RRAS2: variants seen among roughly 807,000 people sequenced by gnomAD.
RRAS2 encodes the protein RAS related 2, also known as ras-related protein R-Ras2.
RRAS2 carries 7 observed loss-of-function variants against 27.6 expected under a neutral mutation model. The observed-to-expected ratio is 0.25, with a 90% CI of 0.14 to 0.48. RRAS2 has a LOEUF of 0.48. RRAS2 is among the 20% of genes least tolerant of loss of function. RRAS2 has a pLI of 0.99. For missense variants in RRAS2, 178 were observed against 256.2 expected (o/e 0.69, Z 2.08); for synonymous variants, 86 against 90.9 (o/e 0.95, Z 0.31).
At chr11:14,313,773 C>T (rs571702375) in intron 1 of RRAS2, among the ~76,000 whole-genome samples, 20 of 152,294 alleles carry the variant, frequency 1.3e-4, no homozygotes, top group African/African-American at 4.8e-4. Flanking sequence ...CTTCCTCAGA[C>T]TCCAGAATCA....
intron 1 of RRAS2, among the ~76,000 whole-genome samples, chr11:14,306,076 A>AT (rs35247669): frequency 0.29 from 43,686 of 148,592 alleles, 7,364 homozygotes; most frequent in South Asian, 0.43. Context: ...CAAAAAAAGA[A>AT]TTTTTTTTTT....
intron 4 of RRAS2, among the ~76,000 whole-genome samples, chr11:14,284,804 TTTAA>T (rs1325334820): frequency 1.3e-5 from 2 of 152,232 alleles, no homozygotes; most frequent in Non-Finnish European, 2.9e-5. Context: ...ATATAGCTAC[TTTAA>T]TTATTTTCAT....
At chr11:14,292,915 G>C (rs1847441710) in intron 4 of RRAS2, among the ~76,000 whole-genome samples, 1 of 151,496 alleles carries the variant, frequency 6.6e-6, no homozygotes, top group Admixed American at 6.6e-5. Flanking sequence ...AGACCATCCT[G>C]GCTAACATGG....
chr11:14,359,223 AGGGGGCGGGG>A, upstream of RRAS2: 1 of 68,470 alleles, frequency 1.5e-5, no homozygotes, highest in Non-Finnish European at 2.6e-5. Context: ...CATATGCATG[AGGGGGCGGGG>A]AGGGGCGGGG....
At chr11:14,314,214 T>C (rs1212423611) in intron 1 of RRAS2, among the ~76,000 whole-genome samples, 1 of 152,230 alleles carries the variant, frequency 6.6e-6, no homozygotes, top group Non-Finnish European at 1.5e-5. Flanking sequence ...TATATGGCAC[T>C]TACACAACTA....
chr11:14,291,879 T>C (rs1847403814), intron 4 of RRAS2, among the ~76,000 whole-genome samples: 1 of 152,304 alleles, frequency 6.6e-6, no homozygotes, highest in South Asian at 2.1e-4. Context: ...ATTTTTTTGA[T>C]TTTAGAATAC....
At chr11:14,285,498 G>GT (rs1468727592) in intron 4 of RRAS2, among the ~76,000 whole-genome samples, 4 of 152,158 alleles carry the variant, frequency 2.6e-5, no homozygotes, top group Admixed American at 6.6e-5. Context: ...TATGGTAAGA[G>GT]TAATTTATAT....
intron 1 of RRAS2, among the ~76,000 whole-genome samples, chr11:14,351,711 CA>C (rs1848956419): frequency 7.0e-6 from 1 of 142,792 alleles, no homozygotes; most frequent in South Asian, 2.2e-4. Context: ...GCCTGGGCAA[CA>C]AAAGTGAAAC....
chr11:14,280,707 CA>C (rs1849504083), intron 5 of RRAS2, among the ~76,000 whole-genome samples: 1 of 66,870 alleles, frequency 1.5e-5, no homozygotes, highest in Admixed American at 2.5e-4. Flanking sequence ...GCCTGGGTGA[CA>C]AAGAGAAACT....
At chr11:14,307,006 C>T (rs1426437959) in intron 1 of RRAS2, among the ~76,000 whole-genome samples, 1 of 151,236 alleles carries the variant, frequency 6.6e-6, no homozygotes, top group African/African-American at 2.4e-5. Flanking sequence ...GCCTGGGAAA[C>T]ATGGTGAAAC....
Position 14,356,801 on chromosome 11 carries a change from C to CTT in RRAS2, c.108+1960_108+1961dup, listed in dbSNP as rs34757328. On this transcript the variant is annotated intron_variant, in intron 1 of 5. Coordinates refer to ENST00000256196, the MANE Select transcript of RRAS2 (RefSeq NM_012250.6). ...ATTATTAGGAAAACGGCAATTAATGCTTTTTTTTTTTTTTTTTTGAGGCAG... is the reference window on the plus strand; with the variant it reads ...ATTATTAGGAAAACGGCAATTAATGCTTTTTTTTTTTTTTTTTTTTGAGGCAG... The CTT allele has an allele frequency of 7.2e-3, 2,679 of 372,776 alleles. 6 individuals are homozygous for CTT. Among genetic ancestry groups the CTT allele is most frequent in the East Asian group, 0.012 (153 of 12,732 alleles). The allele number at this position is 372,776 out of a possible 1,614,324, so 23.1% of individuals were successfully genotyped here. A position where few individuals can be genotyped will look rare whatever the true frequency, so the allele number is the denominator to read the frequency against.
intron 1 of RRAS2, among the ~76,000 whole-genome samples, chr11:14,347,902 C>G (rs934413520): frequency 1.3e-5 from 2 of 151,194 alleles, no homozygotes; most frequent in African/African-American, 2.4e-5. Flanking sequence ...AAAACCACCA[C>G]AGAACACAGA....
At chr11:14,290,169 G>A (rs782283000) in intron 4 of RRAS2, among the ~76,000 whole-genome samples, 11 of 152,294 alleles carry the variant, frequency 7.2e-5, no homozygotes, top group East Asian at 3.9e-4. Context: ...GGTAAAAACC[G>A]GCTGGGCGCA....
intron 1 of RRAS2, among the ~76,000 whole-genome samples, chr11:14,353,681 C>G (rs186377926): frequency 6.0e-5 from 9 of 151,082 alleles, no homozygotes; most frequent in African/African-American, 1.7e-4. Flanking sequence ...CACACACACA[C>G]AGAGACAGAC....
intron 1 of RRAS2, among the ~76,000 whole-genome samples, chr11:14,325,107 A>C (rs1242796803): frequency 6.6e-6 from 1 of 152,148 alleles, no homozygotes; most frequent in Non-Finnish European, 1.5e-5. Context: ...GGTAATGCAC[A>C]ATAATATAAA....
intron 1 of RRAS2, among the ~76,000 whole-genome samples, chr11:14,320,147 A>G (rs1333409211): frequency 1.3e-5 from 2 of 152,030 alleles, no homozygotes; most frequent in African/African-American, 4.8e-5. Flanking sequence ...ATTTGAGGTC[A>G]CTTTACCTCC....
chr11:14,310,788 G>A (rs537864811), intron 1 of RRAS2, among the ~76,000 whole-genome samples: 2 of 152,290 alleles, frequency 1.3e-5, no homozygotes, highest in African/African-American at 2.4e-5. Context: ...GTCACCCTAA[G>A]GTTATGCATC....
At chr11:14,319,685 A>T (rs1848185773) in intron 1 of RRAS2, among the ~76,000 whole-genome samples, 1 of 152,168 alleles carries the variant, frequency 6.6e-6, no homozygotes, top group Non-Finnish European at 1.5e-5. Context: ...AAGAGCACAG[A>T]TAACTGCAAG....
At chr11:14,321,156 A>G (rs1013046079) in intron 1 of RRAS2, among the ~76,000 whole-genome samples, 21 of 151,728 alleles carry the variant, frequency 1.4e-4, no homozygotes, top group Non-Finnish European at 2.5e-4. Flanking sequence ...TCCACCCTAG[A>G]CAACAGACCA....
Sources: gnomAD v4.1 joint callset for allele counts (sites outside exome capture counted in the v4.1 genomes callset) on GRCh38, gnomAD v4.1.1 for gene constraint, MANE v1.5 for transcripts, NCBI Gene and HGNC (gene_info 2026-07-23, HGNC 2026-07-21) for gene names.